Variants in PDE9A observed in about 807,000 individuals in gnomAD.
The protein encoded by PDE9A is phosphodiesterase 9A.
PDE9A carries 60 observed loss-of-function variants against 87.4 expected under a neutral mutation model. The observed-to-expected ratio is 0.69, with a 90% CI of 0.56 to 0.85. The LOEUF is 0.85. Among genes scored for constraint, PDE9A ranks in the 40% least tolerant of loss-of-function variants. The pLI is 0.00. For synonymous variants in PDE9A, 272 were observed against 279.4 expected, an observed-to-expected ratio of 0.97 and a Z score of 0.27; for missense variants, 665 against 779.0, an observed-to-expected ratio of 0.85 and a Z score of 1.74.
At chr21:42,673,430 C>T (rs1908281159) in intron 1 of PDE9A, among the ~76,000 whole-genome samples, 1 of 152,228 alleles carries the variant, frequency 6.6e-6, no homozygotes, top group African/African-American at 2.4e-5. Context: ...ACTGTTCTCA[C>T]TTCCAGGCCC....
In PDE9A at chr21:42,722,940, A is replaced by T. The variant is rs2050674390; in HGVS notation, c.263-8830A>T. Among the ~76,000 whole-genome samples, 1 of 152,224 alleles carries T rather than the reference A, an allele frequency of 6.6e-6. No individual in the cohort carries two copies. The highest frequency in any genetic ancestry group is 1.5e-5 in the Non-Finnish European group (1 of 68,034). ...AAGAAGTGGGCGAGGCAGAGGCTTG[A>T]ACTATCCACTCAGACCAAGGAGGAG... On this transcript the variant is annotated intron_variant, in intron 4 of 19. Coordinates refer to ENST00000291539, the MANE Select transcript of PDE9A (RefSeq NM_002606.3). This position sits in a 1 kb window ranked among gnomAD's most constrained non-coding sequence, Gnocchi z 4.1.
rs775598444 is a variant in PDE9A at position 42,660,175 on chromosome 21, G to C, written c.69+6292G>C. Among the ~76,000 whole-genome samples, 2 of 152,156 alleles carry C rather than the reference G, an allele frequency of 1.3e-5. No homozygotes were observed. Among genetic ancestry groups the C allele is most frequent in the African/African-American group, 4.8e-5 (2 of 41,428 alleles). ...GGTGACCCAGCAAGCCGCACTCCTGGGAAATTTCAGAAGGTTTTGGGCAAG... is the reference window on the plus strand; with the variant it reads ...GGTGACCCAGCAAGCCGCACTCCTGCGAAATTTCAGAAGGTTTTGGGCAAG... On this transcript the variant is annotated intron_variant, in intron 1 of 19. Transcript: ENST00000291539. The surrounding 1 kb of genome is among the most constrained non-coding windows in gnomAD (Gnocchi z 4.7).
chr21:42,750,138 A>G, intron 8 of PDE9A, among the ~76,000 whole-genome samples: 1 of 152,040 alleles, frequency 6.6e-6, no homozygotes, highest in East Asian at 1.9e-4. Flanking sequence ...ACTCTGTCTC[A>G]AAAATAAATA....
chr21:42,691,036 A>G (rs867247692), intron 3 of PDE9A, among the ~76,000 whole-genome samples: 13 of 148,698 alleles, frequency 8.7e-5, no homozygotes, highest in African/African-American at 1.7e-4. Context: ...CCCCATCACC[A>G]TCACTATCCA....
Position 42,721,145 on chromosome 21 carries a change from G to A in PDE9A, c.263-10625G>A, listed in dbSNP as rs535687143. On this transcript the variant is annotated intron_variant, in intron 4 of 19. Coordinates refer to ENST00000291539, the MANE Select transcript of PDE9A (RefSeq NM_002606.3). ...GAAATGCATGCTAGCTGCCCCAGAT[G>A]CTGCCAGCTTCACAGGCATTTTTCT... is the stretch of plus-strand genomic sequence containing the variant. Among the ~76,000 whole-genome samples, 5 of 152,166 alleles carry A rather than the reference G, an allele frequency of 3.3e-5. No homozygotes were observed. In the East Asian group the frequency reaches 7.7e-4, roughly 24 times the overall value.
In PDE9A at chr21:42,751,733, C is replaced by T. The variant is rs576291090; in HGVS notation, c.735+536C>T. On this transcript the variant is annotated intron_variant, in intron 9 of 19. Coordinates refer to ENST00000291539, the MANE Select transcript of PDE9A (RefSeq NM_002606.3). ...TTCAGCTGGGAAGCAGGCAAAATCCCGGCCCACCTGCTTTTTTTTTTTTTT... is the reference window on the plus strand; with the variant it reads ...TTCAGCTGGGAAGCAGGCAAAATCCTGGCCCACCTGCTTTTTTTTTTTTTT... Among the ~76,000 whole-genome samples the T allele has an allele frequency of 1.1e-3, 167 of 146,918 alleles. 1 individual carries two copies. Among genetic ancestry groups the T allele is most frequent in the Non-Finnish European group, 1.9e-3 (129 of 67,386 alleles).
chr21:42,728,625 T>G (rs1312015302), intron 4 of PDE9A, among the ~76,000 whole-genome samples: 1 of 152,190 alleles, frequency 6.6e-6, no homozygotes, highest in Non-Finnish European at 1.5e-5. Context: ...GTATCTATAT[T>G]CATGAGGGAT....
intron 1 of PDE9A, among the ~76,000 whole-genome samples, chr21:42,671,268 G>A (rs905846080): frequency 2.0e-5 from 3 of 152,182 alleles, no homozygotes; most frequent in African/African-American, 2.4e-5. Context: ...TCTTGTGTAC[G>A]TCTGAGCATT....
rs1317653129 is a variant in PDE9A at position 42,659,991 on chromosome 21, G to A, written c.69+6108G>A. On this transcript the variant is annotated intron_variant, in intron 1 of 19. Coordinates refer to ENST00000291539, the MANE Select transcript of PDE9A (RefSeq NM_002606.3). This position sits in a 1 kb window ranked among gnomAD's most constrained non-coding sequence, Gnocchi z 4.1. ...CTCAGTGCAGCAACTGGGACACCTC[G>A]GGGCATAAGCCGGGCAGGGAGGCGG... is the stretch of plus-strand genomic sequence containing the variant. Among the ~76,000 whole-genome samples the A allele has an allele frequency of 2.6e-5, 4 of 152,202 alleles. No individual in the cohort carries two copies. Among genetic ancestry groups the A allele is most frequent in the Admixed American group, 6.5e-5 (1 of 15,290 alleles).
chr21:42,678,615 A>G (rs2058983928), intron 1 of PDE9A, among the ~76,000 whole-genome samples: 1 of 152,180 alleles, frequency 6.6e-6, no homozygotes, highest in African/African-American at 2.4e-5. Context: ...TCTTTAAACT[A>G]AAAAAAAGTT....
At chr21:42,683,676 G>A (rs931308380) in intron 1 of PDE9A, among the ~76,000 whole-genome samples, 19 of 152,186 alleles carry the variant, frequency 1.2e-4, no homozygotes, top group Non-Finnish European at 1.3e-4. Context: ...AAAGTCAGAC[G>A]AGCCTGCCCA....
In PDE9A at chr21:42,675,458, G is replaced by T. The variant is rs1032561425; in HGVS notation, c.70-10734G>T. On this transcript the variant is annotated intron_variant, in intron 1 of 19. Coordinates refer to ENST00000291539, the MANE Select transcript of PDE9A (RefSeq NM_002606.3). The surrounding 1 kb of genome is among the most constrained non-coding windows in gnomAD (Gnocchi z 4.3). ...CGTCCGTGGAAAGCACCAGAATGGT[G>T]CCTGGCACTTAATAAATGCTCTTAT... Among the ~76,000 whole-genome samples, 2 of 152,232 alleles carry T rather than the reference G, an allele frequency of 1.3e-5. No homozygotes were observed. Among genetic ancestry groups the T allele is most frequent in the Non-Finnish European group, 2.9e-5 (2 of 68,050 alleles).
intron 3 of PDE9A, 97 bp from the exon 4 acceptor site, chr21:42,698,871 C>A: frequency 5.8e-6 from 4 of 691,994 alleles, no homozygotes; most frequent in Non-Finnish European, 7.5e-6. Flanking sequence ...CCACCTAATC[C>A]GCTGATTTCT....
intron 2 of PDE9A, among the ~76,000 whole-genome samples, chr21:42,686,980 G>C (rs978854998): frequency 1.3e-5 from 2 of 152,200 alleles, no homozygotes; most frequent in African/African-American, 4.8e-5. Flanking sequence ...CTGGGTGAAA[G>C]GCTGACTTCA....
At position 42,760,210 on chromosome 21, in the gene PDE9A, G is replaced by A. The variant is rs1405985918; in HGVS notation, c.898-118G>A. ...AAACCTGGAACACTGTTGACCTCTG[G>A]TTGGGATGAGGGTTTGGCAGAGAAT... On this transcript the variant is annotated intron_variant, in intron 11 of 19. Transcript: ENST00000291539. The surrounding 1 kb of genome is among the most constrained non-coding windows in gnomAD (Gnocchi z 5.2). 7 of 668,750 alleles carry A rather than the reference G, an allele frequency of 1.0e-5. No individual in the cohort carries two copies. The highest frequency in any genetic ancestry group is 2.1e-5 in the Admixed American group (1 of 48,186). 41.4% of individuals were successfully genotyped at this position (668,750 alleles called of 1,614,324 possible).
chr21:42,747,748 G>A (rs1348404475), intron 8 of PDE9A, among the ~76,000 whole-genome samples: 2 of 152,196 alleles, frequency 1.3e-5, no homozygotes, highest in African/African-American at 4.8e-5. Flanking sequence ...AGCAGAGCAT[G>A]GAATATGGGG....
In PDE9A at chr21:42,653,896, C is replaced by G. The variant is rs1484418864; in HGVS notation, c.69+13C>G. 2.0e-6 allele frequency: 3 copies of G among 1,481,930 alleles called. No individual in the cohort carries two copies. The highest frequency in any genetic ancestry group is 2.8e-6 in the Non-Finnish European group (3 of 1,089,558). 91.8% of individuals were successfully genotyped at this position (1,481,930 alleles called of 1,614,324 possible). A position where few individuals can be genotyped will look rare whatever the true frequency, so the allele number is the denominator to read the frequency against. On this transcript the variant is annotated intron_variant, in intron 1 of 19. Coordinates refer to ENST00000291539, the MANE Select transcript of PDE9A (RefSeq NM_002606.3). ...ACGCATTCAGAAGGTAGCCCCTCCC[C>G]CACCCAGACACCCCCTCCTCCCCCC...
rs542092083 is a variant in PDE9A at position 42,760,164 on chromosome 21, C to T, written c.898-164C>T. On this transcript the variant is annotated intron_variant, in intron 11 of 19. Coordinates refer to ENST00000291539, the MANE Select transcript of PDE9A (RefSeq NM_002606.3). This position sits in a 1 kb window ranked among gnomAD's most constrained non-coding sequence, Gnocchi z 5.2. The stretch of plus-strand genomic sequence containing the variant: ...CTGGACGTTCTCAGGGTCCCTGTGT[C>T]ACCTCATTGGTACCTGTGGTAAACC... Among the ~76,000 whole-genome samples, 46 of 152,152 alleles carry T rather than the reference C, an allele frequency of 3.0e-4. No individual in the cohort carries two copies. The highest frequency in any genetic ancestry group is 1.0e-3 in the African/African-American group (43 of 41,514).
In PDE9A at chr21:42,739,695, G is replaced by T. The variant is rs1204774631; in HGVS notation, c.569-4081G>T. 2.6e-5 allele frequency among the ~76,000 whole-genome samples: 4 copies of T among 151,794 alleles called. No individual in the cohort carries two copies. On this transcript the variant is annotated intron_variant, in intron 7 of 19. Coordinates refer to ENST00000291539, the MANE Select transcript of PDE9A (RefSeq NM_002606.3). This position sits in a 1 kb window ranked among gnomAD's most constrained non-coding sequence, Gnocchi z 4.1. ...GCTTAATTTTAACATCACCTCAATA[G>T]GTAGCCAGGGAAGCGGATCTCGGTG...
Sources: gnomAD v4.1 joint callset for allele counts (sites outside exome capture counted in the v4.1 genomes callset) on GRCh38, gnomAD v4.1.1 for gene constraint, Gnocchi (gnomAD v3.1) non-coding constraint, MANE v1.5 for transcripts, NCBI Gene and HGNC (gene_info 2026-07-23, HGNC 2026-07-21) for gene names.